PLSCR2: variants seen among roughly 807,000 people sequenced by gnomAD.
PLSCR2 encodes the protein phospholipid scramblase 2.
A neutral mutation model predicts 25.3 loss-of-function variants in PLSCR2; 18 were observed. That is an observed-to-expected ratio of 0.71 (90% CI 0.49 to 1.06). The LOEUF (loss-of-function observed/expected upper bound fraction) is 1.06. Ranked by LOEUF, PLSCR2 falls within the 50% of genes least tolerant of loss-of-function variation. The probability of loss-of-function intolerance (pLI) is 0.00; values close to 1 mark genes in which losing one functional copy is unlikely to be tolerated. For missense variants in PLSCR2, 243 were observed against 269.5 expected, an observed-to-expected ratio of 0.90 and a Z score of 0.69; for synonymous variants, 88 against 87.3, an observed-to-expected ratio of 1.01 and a Z score of -0.04.
chr3:146,409,766 T>A (rs2038784815), intron 2 of PLSCR2, among the ~76,000 whole-genome samples: 1 of 152,112 alleles, frequency 6.6e-6, no homozygotes, highest in Non-Finnish European at 1.5e-5. Flanking sequence ...GTTTCCTATT[T>A]TTATTATTAT....
downstream of PLSCR2, among the ~76,000 whole-genome samples, chr3:146,437,142 G>T (rs2039912812): frequency 6.6e-6 from 1 of 152,086 alleles, no homozygotes; most frequent in Non-Finnish European, 1.5e-5. Context: ...GATCATGGTG[G>T]ATAAACTTTT....
At chr3:146,426,568 G>A (rs553036640) in intron 2 of PLSCR2, among the ~76,000 whole-genome samples, 1 of 151,958 alleles carries the variant, frequency 6.6e-6, no homozygotes, top group Non-Finnish European at 1.5e-5. Context: ...TTTTCTAATT[G>A]TGAGGGTACA....
intron 2 of PLSCR2, among the ~76,000 whole-genome samples, chr3:146,458,992 T>C (rs1370087826): frequency 6.6e-6 from 1 of 152,182 alleles, no homozygotes; most frequent in African/African-American, 2.4e-5. Flanking sequence ...ACAAGAGAGA[T>C]AATTCATTTA....
chr3:146,393,808 CA>C (rs71849356), intron 3 of PLSCR2, among the ~76,000 whole-genome samples: 5,163 of 123,686 alleles, frequency 0.042, 285 homozygotes, highest in African/African-American at 0.14. Flanking sequence ...GACTCCGTCT[CA>C]AAAAAAAAAA....
chr3:146,409,667 T>G (rs537093345), intron 2 of PLSCR2, among the ~76,000 whole-genome samples: 2 of 152,246 alleles, frequency 1.3e-5, no homozygotes, highest in Admixed American at 1.3e-4. Context: ...TTTTTTAAGG[T>G]GGACTTCATA....
downstream of PLSCR2, among the ~76,000 whole-genome samples, chr3:146,440,004 T>A (rs1315863476): frequency 6.6e-6 from 1 of 152,222 alleles, no homozygotes; most frequent in Non-Finnish European, 1.5e-5. Flanking sequence ...GTCAGGACCT[T>A]TACCTGCAGG....
chr3:146,398,606 A>C (rs543813573), intron 2 of PLSCR2: 30 of 151,546 alleles, frequency 2.0e-4, no homozygotes, highest in African/African-American at 7.2e-4. Flanking sequence ...ATATTAAAGA[A>C]ATCTAATAAT....
chr3:146,470,962 A>T (rs1272393118), intron 1 of PLSCR2, among the ~76,000 whole-genome samples: 1 of 152,188 alleles, frequency 6.6e-6, no homozygotes, highest in Non-Finnish European at 1.5e-5. Flanking sequence ...ATTTAGAATG[A>T]TGTTTGCCAT....
intron 2 of PLSCR2, among the ~76,000 whole-genome samples, chr3:146,405,859 A>G (rs1254215617): frequency 6.6e-6 from 1 of 152,012 alleles, no homozygotes; most frequent in Non-Finnish European, 1.5e-5. Context: ...CGCACCTTTT[A>G]GAGTATATAT....
At chr3:146,473,348 A>T (rs369922968) in intron 1 of PLSCR2, among the ~76,000 whole-genome samples, 108 of 136,432 alleles carry the variant, frequency 7.9e-4, no homozygotes, top group African/African-American at 3.0e-3. Context: ...TCTGTCGCCC[A>T]GGCTGGAGTG....
chr3:146,427,809 G>C (rs1042963917), intron 2 of PLSCR2, among the ~76,000 whole-genome samples: 1 of 152,064 alleles, frequency 6.6e-6, no homozygotes, highest in South Asian at 2.1e-4. Context: ...AGCACCTTGA[G>C]GATAATAATT....
chr3:146,444,927 T>C (rs958576265), intron 6 of PLSCR2, among the ~76,000 whole-genome samples: 1 of 152,106 alleles, frequency 6.6e-6, no homozygotes, highest in Admixed American at 6.5e-5. Flanking sequence ...ATGTATCTTT[T>C]CTACGTTTTT....
chr3:146,432,886 A>T (rs1478414797), downstream of PLSCR2, among the ~76,000 whole-genome samples: 2 of 152,140 alleles, frequency 1.3e-5, no homozygotes, highest in African/African-American at 4.8e-5. Context: ...CTTTATGGTA[A>T]ATCCATTAAT....
intron 2 of PLSCR2, among the ~76,000 whole-genome samples, chr3:146,414,827 T>C (rs2038959732): frequency 6.6e-6 from 1 of 152,236 alleles, no homozygotes; most frequent in Admixed American, 6.5e-5. Context: ...TACCTGTATT[T>C]GAGGAAATCA....
intron 2 of PLSCR2, among the ~76,000 whole-genome samples, chr3:146,396,105 A>G (rs2107979529): frequency 6.6e-6 from 1 of 152,286 alleles, no homozygotes; most frequent in African/African-American, 2.4e-5. Context: ...TCCTATCTAA[A>G]AGTAGATTTT....
intron 1 of PLSCR2, among the ~76,000 whole-genome samples, chr3:146,488,068 T>C (rs538662217): frequency 2.6e-5 from 4 of 151,842 alleles, no homozygotes; most frequent in East Asian, 1.9e-4. Context: ...AAACAAGAAA[T>C]GGGGAAAGGA....
upstream of PLSCR2, among the ~76,000 whole-genome samples, chr3:146,461,164 T>C (rs2041549867): frequency 6.6e-6 from 1 of 152,220 alleles, no homozygotes; most frequent in South Asian, 2.1e-4. Flanking sequence ...GTGTAGTGAT[T>C]CCATAGGAAT....
intron 2 of PLSCR2, among the ~76,000 whole-genome samples, chr3:146,416,073 C>T (rs898759939): frequency 6.6e-6 from 1 of 152,136 alleles, no homozygotes; most frequent in Non-Finnish European, 1.5e-5. Flanking sequence ...GCCTCAGCCT[C>T]TTGAGTAGTT....
At chr3:146,441,560 A>G (rs1428021141), downstream of PLSCR2, among the ~76,000 whole-genome samples, 1 of 152,004 alleles carries the variant, frequency 6.6e-6, no homozygotes, top group Non-Finnish European at 1.5e-5. Context: ...AATAAAGTAT[A>G]TAAAACATTT....
Sources: allele counts gnomAD v4.1 joint callset (sites outside exome capture counted in the v4.1 genomes callset), GRCh38; gene constraint gnomAD v4.1.1; transcripts MANE v1.5; gene names NCBI Gene and HGNC (gene_info 2026-07-23, HGNC 2026-07-21).